The following ADAM22 variants were observed in gnomAD, a reference collection of about 807,000 sequenced individuals.
ADAM22 encodes disintegrin and metalloproteinase domain-containing protein 22.
A neutral mutation model predicts 144.6 loss-of-function variants in ADAM22; 65 were observed. That is an observed-to-expected ratio of 0.45 (90% CI 0.37 to 0.55). ADAM22 has a LOEUF of 0.55. Ranked by LOEUF, ADAM22 falls within the 20% of genes least tolerant of loss-of-function variation. The pLI is 0.00. For missense variants in ADAM22, 974 were observed against 1,184.9 expected, an observed-to-expected ratio of 0.82 and a Z score of 2.61; for synonymous variants, 391 against 412.6, an observed-to-expected ratio of 0.95 and a Z score of 0.63.
Position 88,136,067 on chromosome 7 carries a change from C to T in ADAM22, c.1220+36C>T, listed in dbSNP as rs759529917. On this transcript the variant is annotated intron_variant, in intron 14 of 31. Transcript: ENST00000413139. ...TGTATTTGAAAATAACTCAGTCTTA[C>T]ATTCCCTGCTGTGCTGTTGTCTTCT... 8.8e-6 allele frequency: 14 copies of T among 1,587,850 alleles called. No individual in the cohort carries two copies. The African/African-American group carries it at 1.3e-4, about 15-fold the overall frequency.
intron 28 of ADAM22, 48 bp downstream of exon 28, chr7:88,181,653 T>G: frequency 6.7e-7 from 1 of 1,490,162 alleles, no homozygotes; most frequent in Non-Finnish European, 9.3e-7. Context: ...TCAAGTTCTA[T>G]ATTCTGTGGC....
chr7:88,155,882 T>C lies in ADAM22; in HGVS notation c.1788-5T>C, dbSNP rs760373986. On this transcript the variant is annotated splice_polypyrimidine_tract_variant and splice_region_variant and intron_variant, in intron 21 of 31. Transcript: ENST00000413139. ...AAAGAAGTAATTGGTAATCTTTTGA[T>C]ACAGGGATGTGCTTTGTGGTTACCT... 23 of 1,612,024 alleles carry C rather than the reference T, an allele frequency of 1.4e-5. No homozygotes were observed. The Admixed American group carries it at 3.9e-4, about 27-fold the overall frequency.
rs752361155 is a variant in ADAM22 at position 88,153,282 on chromosome 7, T to C, written c.1743T>C (p.Gly581=). 145 of 1,613,154 alleles carry C rather than the reference T, an allele frequency of 9.0e-5. 4 individuals are homozygous for C. The South Asian group carries it at 1.5e-3, about 16-fold the overall frequency. ...TGAATATTGAAGGGACGGAGAAGGG[T>C]AACTGTGGGAAAGACAAAGACACAT... ...EKLNIEGTEK[G]NCGKDKDTWI... Residue 581 remains glycine (G), a synonymous_variant, in exon 21 of 32, where the codon GGT becomes GGC. Coordinates refer to ENST00000413139, the MANE Select transcript of ADAM22 (RefSeq NM_001324418.2).
intron 3 of ADAM22, among the ~76,000 whole-genome samples, chr7:87,995,545 A>G (rs947442929): frequency 6.6e-6 from 1 of 152,178 alleles, no homozygotes; most frequent in African/African-American, 2.4e-5. Flanking sequence ...GGTTTTCCAG[A>G]GTGGTCCCTG....
rs1850974722 is a variant in ADAM22, at chr7:88,199,267, G to A, written c.*2776G>A. ...TCCACTACAAAATCATTGCTAAGCAGAAGAGAGCAGTTATTTGGCCTTTAT... is the reference window on the plus strand; with the variant it reads ...TCCACTACAAAATCATTGCTAAGCAAAAGAGAGCAGTTATTTGGCCTTTAT... On this transcript the variant is annotated 3_prime_UTR_variant, in exon 32 of 32. Coordinates refer to ENST00000413139, the MANE Select transcript of ADAM22 (RefSeq NM_001324418.2). The A allele has an allele frequency of 6.6e-6, 1 of 152,206 alleles. No individual in the cohort carries two copies. The highest frequency in any genetic ancestry group is 2.1e-4 in the South Asian group (1 of 4,832). The allele number at this position is 152,206 out of a possible 1,614,324, so 9.4% of individuals were successfully genotyped here.
chr7:87,984,471 T>C (rs1452033694), intron 3 of ADAM22, among the ~76,000 whole-genome samples: 1 of 152,168 alleles, frequency 6.6e-6, no homozygotes, highest in Non-Finnish European at 1.5e-5. Context: ...TGATGTCTAT[T>C]GATGTATTCA....
chr7:88,127,132 A>G (rs1229127516), intron 8 of ADAM22, among the ~76,000 whole-genome samples: 1 of 151,986 alleles, frequency 6.6e-6, no homozygotes, highest in Non-Finnish European at 1.5e-5. Context: ...AGACATACGT[A>G]TCTTGAGGCC....
intron 3 of ADAM22, among the ~76,000 whole-genome samples, chr7:88,056,197 A>T (rs921463144): frequency 1.3e-5 from 2 of 152,064 alleles, no homozygotes; most frequent in African/African-American, 4.8e-5. Context: ...TTTCTTCTCC[A>T]TCCTCTTTAC....
rs1160397566 is a variant in ADAM22, at chr7:88,202,426, G to A, written c.*5935G>A. 6.6e-6 allele frequency: 1 copy of A among 152,136 alleles called. No homozygotes were observed. The highest frequency in any genetic ancestry group is 2.4e-5 in the African/African-American group (1 of 41,430). The allele number at this position is 152,136 out of a possible 1,614,324, so 9.4% of individuals were successfully genotyped here. On this transcript the variant is annotated 3_prime_UTR_variant, in exon 32 of 32. Transcript: ENST00000413139. Reference sequence around the variant, plus strand: ...GTAGGTCGGCACTAGTGTTTTCCACGGTTATCACCTTTGACAGGTGATGTG... The same window carrying A: ...GTAGGTCGGCACTAGTGTTTTCCACAGTTATCACCTTTGACAGGTGATGTG...
Position 88,202,590 on chromosome 7 carries a change from C to A in ADAM22, c.*6099C>A, listed in dbSNP as rs923775028. On this transcript the variant is annotated 3_prime_UTR_variant, in exon 32 of 32. Coordinates refer to ENST00000413139, the MANE Select transcript of ADAM22 (RefSeq NM_001324418.2). ...TCTCTGCTACTCTGCACTTCAGGTT[C>A]GTTAAGCTATTTTAATAATTACTGG... The A allele has an allele frequency of 1.3e-5, 2 of 152,146 alleles. No individual in the cohort carries two copies. The highest frequency in any genetic ancestry group is 4.8e-5 in the African/African-American group (2 of 41,434). The allele number at this position is 152,146 out of a possible 1,614,324, so 9.4% of individuals were successfully genotyped here. A position where few individuals can be genotyped will look rare whatever the true frequency, so the allele number is the denominator to read the frequency against.
intron 14 of ADAM22, among the ~76,000 whole-genome samples, chr7:88,139,947 GCTTA>G (rs1317282750): frequency 6.6e-6 from 1 of 152,076 alleles, no homozygotes; most frequent in Admixed American, 6.6e-5. Context: ...AAGAAAAGAG[GCTTA>G]CTTGGCTCAC....
chr7:88,169,643 T>G (rs1235529092), intron 25 of ADAM22, among the ~76,000 whole-genome samples: 4 of 152,082 alleles, frequency 2.6e-5, no homozygotes, highest in Admixed American at 2.6e-4. Context: ...GGTGTGCAGG[T>G]TACTGGGTGT....
intron 3 of ADAM22, among the ~76,000 whole-genome samples, chr7:87,985,961 G>T (rs1163773634): frequency 6.6e-6 from 1 of 152,026 alleles, no homozygotes; most frequent in Non-Finnish European, 1.5e-5. Flanking sequence ...TTGCAGGAGG[G>T]ATGATGTCAA....
At position 87,934,328 on chromosome 7, in the gene ADAM22, C is replaced by T. The variant is rs371764398; in HGVS notation, c.-138C>T. The T allele has an allele frequency of 0.023, 16,111 of 715,574 alleles. 239 individuals are homozygous for T. The highest frequency in any genetic ancestry group is 0.034 in the South Asian group (1,677 of 49,778). 44.3% of individuals were successfully genotyped at this position (715,574 alleles called of 1,614,324 possible). A position where few individuals can be genotyped will look rare whatever the true frequency, so the allele number is the denominator to read the frequency against. ...TGAGCCGCGGTGGAGGTTGCAGCGC[C>T]ACGGCCGCCGCAGCACCGGCCGGGG... is the stretch of plus-strand genomic sequence containing the variant. On this transcript the variant is annotated 5_prime_UTR_variant, in exon 1 of 32. Transcript: ENST00000413139.
In ADAM22 at chr7:88,168,033, AAAAC is replaced by A. The variant is rs541350739; in HGVS notation, c.2192-98_2192-95del. ...TTCCTTTGAAAAATACTCATTTTTG[AAAAC>A]AAACAGTGTTGTTAGTGTGATGATT... is the stretch of plus-strand genomic sequence containing the variant. On this transcript the variant is annotated intron_variant, in intron 24 of 31. Coordinates refer to ENST00000413139, the MANE Select transcript of ADAM22 (RefSeq NM_001324418.2). 1.6e-4 allele frequency: 138 copies of A among 873,060 alleles called. No individual in the cohort carries two copies. In the East Asian group the frequency reaches 2.8e-3, roughly 18 times the overall value. 54.1% of individuals were successfully genotyped at this position (873,060 alleles called of 1,614,324 possible). A position where few individuals can be genotyped will look rare whatever the true frequency, so the allele number is the denominator to read the frequency against.
intron 2 of ADAM22, among the ~76,000 whole-genome samples, chr7:87,946,897 T>C (rs1843812808): frequency 6.6e-6 from 1 of 152,180 alleles, no homozygotes; most frequent in African/African-American, 2.4e-5. Context: ...ATTATATCCT[T>C]TGCAGCCACA....
chr7:88,027,582 C>A (rs1211848604), intron 3 of ADAM22, among the ~76,000 whole-genome samples: 1 of 152,030 alleles, frequency 6.6e-6, no homozygotes, highest in Non-Finnish European at 1.5e-5. Flanking sequence ...TGACTCTTTT[C>A]TCTTTTTTTT....
At chr7:87,964,464 C>T (rs1848622096) in intron 2 of ADAM22, among the ~76,000 whole-genome samples, 2 of 152,070 alleles carry the variant, frequency 1.3e-5, no homozygotes, top group Non-Finnish European at 1.5e-5. Context: ...TTTTTTATCA[C>T]AGGGGCTAAT....
At chr7:88,114,250 T>G (rs1173516786) in intron 5 of ADAM22, among the ~76,000 whole-genome samples, 1 of 152,180 alleles carries the variant, frequency 6.6e-6, no homozygotes, top group African/African-American at 2.4e-5. Context: ...AGGAGAGTCC[T>G]GAAAGAGCTG....
Sources: gnomAD v4.1 joint callset for allele counts (sites outside exome capture counted in the v4.1 genomes callset) on GRCh38, gnomAD v4.1.1 for gene constraint, MANE v1.5 for transcripts, NCBI Gene and HGNC (gene_info 2026-07-23, HGNC 2026-07-21) for gene names.